PHACTR3: variants seen among roughly 807,000 people sequenced by gnomAD.
PHACTR3 encodes the protein protein phosphatase 1, regulatory subunit 123.
Under a neutral mutation model 66.8 loss-of-function variants are expected in PHACTR3, and 16 were observed. The ratio of observed to expected loss-of-function variants is 0.24; its 90% CI spans 0.16 to 0.36. The LOEUF is 0.36. Ranked by LOEUF, PHACTR3 falls within the 10% of genes least tolerant of loss-of-function variation. PHACTR3 has a pLI of 1.00. For missense variants in PHACTR3, 647 were observed against 719.9 expected, an observed-to-expected ratio of 0.90 and a Z score of 1.16; for synonymous variants, 323 against 292.1, an observed-to-expected ratio of 1.11 and a Z score of -1.08.
At chr20:59,754,386 C>T (rs964300529) in intron 3 of PHACTR3, among the ~76,000 whole-genome samples, 1 of 152,202 alleles carries the variant, frequency 6.6e-6, no homozygotes, top group African/African-American at 2.4e-5. Flanking sequence ...TCTGTGGCCC[C>T]TCCATCCATG....
chr20:59,719,478 A>G lies in PHACTR3; in HGVS notation c.119-23629A>G, dbSNP rs549030981. Reference sequence around the variant, plus strand: ...GCTCCCGGTCTCTTAGCTTATTCTTAAGGGGAATTTCCTACCTTTTATTTT... The same window carrying G: ...GCTCCCGGTCTCTTAGCTTATTCTTGAGGGGAATTTCCTACCTTTTATTTT... On this transcript the variant is annotated intron_variant, in intron 1 of 12. Transcript: ENST00000371015. Among the ~76,000 whole-genome samples, 10 of 152,260 alleles carry G rather than the reference A, an allele frequency of 6.6e-5. No individual in the cohort carries two copies. The East Asian group carries it at 1.9e-3, about 29-fold the overall frequency.
chr20:59,708,251 A>G (rs1025757405), intron 1 of PHACTR3, among the ~76,000 whole-genome samples: 1 of 152,150 alleles, frequency 6.6e-6, no homozygotes, highest in Admixed American at 6.5e-5. Context: ...AGTGATCTGA[A>G]CTTTTGAGGG....
intron 1 of PHACTR3, among the ~76,000 whole-genome samples, chr20:59,710,081 T>G (rs1349988813): frequency 1.3e-5 from 2 of 152,196 alleles, no homozygotes; most frequent in African/African-American, 4.8e-5. Flanking sequence ...GTTGCTCAGG[T>G]CTTCCTGGCT....
chr20:59,662,969 G>T (rs1601034972), intron 1 of PHACTR3, among the ~76,000 whole-genome samples: 2 of 152,356 alleles, frequency 1.3e-5, no homozygotes, highest in South Asian at 4.1e-4. Context: ...TCACGGCTCT[G>T]CAGGCCAGAG....
chr20:59,693,116 T>G (rs1048885248), intron 1 of PHACTR3, among the ~76,000 whole-genome samples: 13 of 152,164 alleles, frequency 8.5e-5, no homozygotes, highest in Non-Finnish European at 1.6e-4. Context: ...TATGTTGCAG[T>G]TGCCTCCACT....
chr20:59,794,934 G>T (rs896383521), intron 7 of PHACTR3, among the ~76,000 whole-genome samples: 6 of 151,786 alleles, frequency 4.0e-5, no homozygotes, highest in African/African-American at 1.5e-4. Context: ...CTAAAGATTT[G>T]TCAGCTTTGT....
At chr20:59,696,310 C>T (rs1041852297) in intron 1 of PHACTR3, among the ~76,000 whole-genome samples, 1 of 152,276 alleles carries the variant, frequency 6.6e-6, no homozygotes, top group Non-Finnish European at 1.5e-5. Context: ...GCCTCCAAGA[C>T]GAAGTACAGC....
chr20:59,586,296 A>G (rs1317263145), intron 1 of PHACTR3, among the ~76,000 whole-genome samples: 1 of 152,192 alleles, frequency 6.6e-6, no homozygotes, highest in Non-Finnish European at 1.5e-5. Flanking sequence ...AATATAAGCT[A>G]AGGACTGTGT....
chr20:59,693,782 C>T (rs1601121022), intron 1 of PHACTR3, among the ~76,000 whole-genome samples: 1 of 152,176 alleles, frequency 6.6e-6, no homozygotes, highest in East Asian at 1.9e-4. Context: ...GCTGGGATAA[C>T]TGGGATGACT....
At chr20:59,625,499 C>A (rs1282895150) in intron 1 of PHACTR3, among the ~76,000 whole-genome samples, 1 of 152,262 alleles carries the variant, frequency 6.6e-6, no homozygotes, top group East Asian at 1.9e-4. Flanking sequence ...ATTCATGGCC[C>A]TCTCCCAAAG....
At chr20:59,809,706 G>A (rs1242094349) in intron 8 of PHACTR3, among the ~76,000 whole-genome samples, 1 of 152,116 alleles carries the variant, frequency 6.6e-6, no homozygotes, top group Non-Finnish European at 1.5e-5. Flanking sequence ...GCCTTTTTCT[G>A]TGAGGACCAA....
chr20:59,757,446 A>G (rs995087695), intron 4 of PHACTR3, among the ~76,000 whole-genome samples: 1 of 152,238 alleles, frequency 6.6e-6, no homozygotes, highest in African/African-American at 2.4e-5. Flanking sequence ...CTGGGCAGAG[A>G]GCGAGGTGCA....
chr20:59,737,172 C>G (rs1049304394), intron 1 of PHACTR3, among the ~76,000 whole-genome samples: 1 of 152,168 alleles, frequency 6.6e-6, no homozygotes, highest in South Asian at 2.1e-4. Context: ...CCTTTCCCAT[C>G]ATAGCCCCTG....
At chr20:59,778,678 G>C (rs924020797) in intron 7 of PHACTR3, among the ~76,000 whole-genome samples, 2 of 152,214 alleles carry the variant, frequency 1.3e-5, no homozygotes, top group Admixed American at 6.5e-5. Flanking sequence ...CGAGTGCTAA[G>C]TGCAAAATAA....
At chr20:59,751,017 C>T (rs188236961) in intron 3 of PHACTR3, among the ~76,000 whole-genome samples, 2 of 152,370 alleles carry the variant, frequency 1.3e-5, no homozygotes, top group East Asian at 3.9e-4. Flanking sequence ...ACCGGGTCCT[C>T]TTGCAGGATG....
chr20:59,606,036 T>C (rs1026690004), intron 1 of PHACTR3, among the ~76,000 whole-genome samples: 3 of 152,232 alleles, frequency 2.0e-5, no homozygotes, highest in African/African-American at 7.2e-5. Context: ...GCCACAGGAC[T>C]CAGTTTTGTA....
chr20:59,769,680 T>C (rs2040300201), intron 5 of PHACTR3, among the ~76,000 whole-genome samples: 1 of 152,142 alleles, frequency 6.6e-6, no homozygotes. Flanking sequence ...CACTGTCAAA[T>C]CCAAGTGCAG....
rs541300923 is a variant in PHACTR3 at position 59,672,217 on chromosome 20, G to A, written c.118+67085G>A. 4.6e-5 allele frequency among the ~76,000 whole-genome samples: 7 copies of A among 152,356 alleles called. No homozygotes were observed. The South Asian group carries it at 1.4e-3, about 32-fold the overall frequency. On this transcript the variant is annotated intron_variant, in intron 1 of 12. Coordinates refer to ENST00000371015, the MANE Select transcript of PHACTR3 (RefSeq NM_080672.5). ...TGCCCAGGACGGCCCCCGCCACAGA[G>A]CATCATTTAGCTTCAAATGTCAGTA...
rs915418651 is a variant in PHACTR3 at position 59,674,154 on chromosome 20, A to G, written c.119-68953A>G. Among the ~76,000 whole-genome samples the G allele has an allele frequency of 2.2e-4, 32 of 142,726 alleles. 3 individuals carry two copies. Among genetic ancestry groups the G allele is most frequent in the African/African-American group, 8.4e-4 (29 of 34,540 alleles). The allele number at this position is 142,726 out of a possible 152,430, so 93.6% of individuals were successfully genotyped here. A position where few individuals can be genotyped will look rare whatever the true frequency, so the allele number is the denominator to read the frequency against. ...TGGTTCCCTCCCACCTCCCGCTTAA[A>G]GGTGTCATTAGCAAGGGCAAGACGT... On this transcript the variant is annotated intron_variant, in intron 1 of 12. Transcript: ENST00000371015.
Sources: gnomAD v4.1 joint callset for allele counts (sites outside exome capture counted in the v4.1 genomes callset) on GRCh38, gnomAD v4.1.1 for gene constraint, MANE v1.5 for transcripts, NCBI Gene and HGNC (gene_info 2026-07-23, HGNC 2026-07-21) for gene names.